The following ARFGAP1 variants were observed in gnomAD, a reference collection of about 807,000 sequenced individuals.
The protein encoded by ARFGAP1 is ADP-ribosylation factor GTPase-activating protein 1.
A neutral mutation model predicts 54.0 loss-of-function variants in ARFGAP1; 26 were observed. That is an observed-to-expected ratio of 0.48 (90% CI 0.35 to 0.67). ARFGAP1 has a LOEUF of 0.67. ARFGAP1 is among the 30% of genes least tolerant of loss of function. The pLI is 0.00. For synonymous variants in ARFGAP1, 248 were observed against 211.9 expected, an observed-to-expected ratio of 1.17 and a Z score of -1.48; for missense variants, 525 against 535.8, an observed-to-expected ratio of 0.98 and a Z score of 0.20.
At position 63,281,310 on chromosome 20, in the gene ARFGAP1, C is replaced by T. The variant is rs991248390; in HGVS notation, c.647C>T (p.Thr216Ile). Reference sequence around the variant, plus strand: ...CCTCAGGGCTGGAGCAGCTTCACCACTGGAGCCAGCCGGTTTGCCTCGGCA... The same window carrying T: ...CCTCAGGGCTGGAGCAGCTTCACCATTGGAGCCAGCCGGTTTGCCTCGGCA... ...SLYSGWSSFT[T>I]GASRFASAAK... The change falls in exon 8 of 13, where the codon ACT (threonine) becomes ATT (isoleucine). Residue 216 changes from threonine to isoleucine, a missense_variant. By Grantham distance (89) the Thr-to-Ile change is moderately conservative. Around this residue, in one of 3 missense-constraint regions of ARFGAP1, gnomAD observed 466 missense variants for 453.6 expected, o/e 1.03. Transcript: ENST00000370283. The T allele has an allele frequency of 6.2e-7, 1 of 1,602,186 alleles. No individual in the cohort carries two copies. The highest frequency in any genetic ancestry group is 8.5e-7 in the Non-Finnish European group (1 of 1,177,576).
At chr20:63,284,815 G>A (rs374191388) in intron 9 of ARFGAP1, 51 bp from the exon 10 acceptor site, 30 of 1,606,720 alleles carry the variant, frequency 1.9e-5, no homozygotes, top group South Asian at 1.2e-4. Context: ...CTGCCGACCC[G>A]TGTCCCGTGG....
At chr20:63,286,594 A>T in intron 12 of ARFGAP1, 152 bp downstream of exon 12, 3 of 763,550 alleles carry the variant, frequency 3.9e-6, no homozygotes, top group Non-Finnish European at 6.4e-6. Context: ...CTTGCTGGGG[A>T]GGGGGCACTG....
intron 10 of ARFGAP1, among the ~76,000 whole-genome samples, chr20:63,285,140 GCCCCCAGCCCAGCA>G (rs1254194521): frequency 1.3e-5 from 2 of 151,880 alleles, no homozygotes; most frequent in Non-Finnish European, 2.9e-5. Context: ...CCCTTGCAGT[GCCCCCAGCCCAGCA>G]CCCCCAGCCC....
chr20:63,282,923 T>C, intron 9 of ARFGAP1, 72 bp downstream of exon 9: 3 of 1,511,856 alleles, frequency 2.0e-6, no homozygotes, highest in East Asian at 4.5e-5. Context: ...GTGCAGCACC[T>C]GAAGCTGCCT....
intron 6 of ARFGAP1, 127 bp downstream of exon 6, chr20:63,278,330 A>G (rs2067286013): frequency 3.2e-6 from 3 of 937,196 alleles, no homozygotes; most frequent in Admixed American, 4.2e-5. Context: ...TGCGCGGTGC[A>G]GGGTCTGATT....
At chr20:63,282,662 C>T in intron 8 of ARFGAP1, among the ~76,000 whole-genome samples, 157 bp from the exon 9 acceptor site, 1 of 152,242 alleles carries the variant, frequency 6.6e-6, no homozygotes, top group Non-Finnish European at 1.5e-5. Flanking sequence ...TGCTGCAGCT[C>T]TTCTGGGCAT....
intron 10 of ARFGAP1, among the ~76,000 whole-genome samples, chr20:63,285,197 G>A (rs1232786350): frequency 2.6e-5 from 4 of 151,572 alleles, no homozygotes; most frequent in Non-Finnish European, 5.9e-5. Flanking sequence ...CCTACAGCTG[G>A]CCCCAGAGCC....
intron 1 of ARFGAP1, 79 bp from the exon 2 acceptor site, chr20:63,275,498 G>A: frequency 7.1e-7 from 1 of 1,405,136 alleles, no homozygotes; most frequent in Admixed American, 1.9e-5. Context: ...GTTGTGTGGT[G>A]TTTTTGGACA....
chr20:63,282,733 C>T, intron 8 of ARFGAP1, 86 bp from the exon 9 acceptor site: 3 of 1,457,724 alleles, frequency 2.1e-6, no homozygotes, highest in Non-Finnish European at 2.9e-6. Context: ...AGAGACAGTC[C>T]TGGACCTGAG....
chr20:63,284,087 C>T (rs1243236002), intron 9 of ARFGAP1: 1 of 1,383,154 alleles, frequency 7.2e-7, no homozygotes, highest in African/African-American at 1.5e-5. Flanking sequence ...CACCCCTGCG[C>T]AGTACCACTG....
rs114050499 is a variant in ARFGAP1 at position 63,284,046 on chromosome 20, A to G, written c.718-820A>G. The G allele has an allele frequency of 1.5e-3, 2,169 of 1,441,952 alleles. 27 individuals carry two copies. In the African/African-American group the frequency reaches 0.028, roughly 19 times the overall value. The allele number at this position is 1,441,952 out of a possible 1,614,324, so 89.3% of individuals were successfully genotyped here. A position where few individuals can be genotyped will look rare whatever the true frequency, so the allele number is the denominator to read the frequency against. On this transcript the variant is annotated intron_variant, in intron 9 of 12. Transcript: ENST00000370283. ...CCGTGGCTCTCCTTTAAGATCCAGG[A>G]TCTGCATCAGGCTTGGCTGTGTGTG...
intron 9 of ARFGAP1, chr20:63,284,608 G>T: frequency 7.5e-7 from 1 of 1,339,584 alleles, no homozygotes; most frequent in Non-Finnish European, 9.6e-7. Context: ...GCATGGTGGC[G>T]CGTGAGGGAG....
rs2067454167 is a variant in ARFGAP1, at chr20:63,283,933, C to T, written c.718-933C>T. ...CGCCCGCATCTCCGCCGAGAATGTG[C>T]TTGGCTTCCTCTGTCCCTCCTGCGT... On this transcript the variant is annotated intron_variant, in intron 9 of 12. Transcript: ENST00000370283. 2.5e-6 allele frequency: 4 copies of T among 1,609,110 alleles called. No individual in the cohort carries two copies. The East Asian group carries it at 6.7e-5, about 27-fold the overall frequency.
chr20:63,281,892 C>T (rs1422212853), intron 8 of ARFGAP1, among the ~76,000 whole-genome samples: 4 of 152,062 alleles, frequency 2.6e-5, no homozygotes, highest in South Asian at 4.2e-4. Flanking sequence ...GAAGGGGAAG[C>T]CCAGAGCAGG....
In ARFGAP1 at chr20:63,282,994, TC is replaced by T. The variant is rs551987404; in HGVS notation, c.717+145del. The stretch of plus-strand genomic sequence containing the variant: ...GGGGTCCCAGCGTAGAAGGGGGTGT[TC>T]CTGCCATGCTGTTCCCCTCCTCATG... On this transcript the variant is annotated intron_variant, in intron 9 of 12. Transcript: ENST00000370283. The T allele has an allele frequency of 1.2e-4, 106 of 901,630 alleles. 2 individuals are homozygous for T. In the South Asian group the frequency reaches 1.4e-3, roughly 12 times the overall value. The allele number at this position is 901,630 out of a possible 1,614,324, so 55.9% of individuals were successfully genotyped here.
rs528694997 is a variant in ARFGAP1, at chr20:63,285,800, GCAGC to G, written c.834+89_834+92del. The G allele has an allele frequency of 2.4e-3, 3,670 of 1,554,982 alleles. 8 individuals are homozygous for G. The highest frequency in any genetic ancestry group is 3.1e-3 in the Non-Finnish European group (3,470 of 1,129,450). On this transcript the variant is annotated intron_variant, in intron 11 of 12. Transcript: ENST00000370283. Reference sequence around the variant, plus strand: ...GGCGTGAGAGCAGGGTGTGCCCCGTGCAGCCCTCAGCCCAGCTTGGCAGTGGCCG... The same window carrying G: ...GGCGTGAGAGCAGGGTGTGCCCCGTGCCTCAGCCCAGCTTGGCAGTGGCCG...
chr20:63,285,009 C>A, intron 10 of ARFGAP1, 87 bp downstream of exon 10: 1 of 1,504,280 alleles, frequency 6.6e-7, no homozygotes, highest in Non-Finnish European at 9.1e-7. Flanking sequence ...GATTGTTTGT[C>A]CAGCAGCTGG....
Position 63,276,562 on chromosome 20 carries a change from G to A in ARFGAP1, c.253G>A (p.Glu85Lys). 1 of 1,614,070 alleles carries A rather than the reference G, an allele frequency of 6.2e-7. No homozygotes were observed. Among genetic ancestry groups the A allele is most frequent in the Non-Finnish European group, 8.5e-7 (1 of 1,180,002 alleles). ...MKAGGNAKFREFLESQEDYDP... is the reference protein window; with the variant it reads ...MKAGGNAKFRKFLESQEDYDP... Reference sequence around the variant, plus strand: ...AGCTGGTGGGAATGCTAAGTTCCGAGAGTTCCTGGAGTCTCAGGAGGATTA... The same window carrying A: ...AGCTGGTGGGAATGCTAAGTTCCGAAAGTTCCTGGAGTCTCAGGAGGATTA... Residue 85 changes from glutamate to lysine, a missense_variant, in exon 4 of 13, where the codon GAG becomes AAG. This residue lies in a region of ARFGAP1 where 466 missense variants were observed against 453.6 expected (regional missense o/e 1.03). Transcript: ENST00000370283. The surrounding 1 kb of genome is among the most constrained non-coding windows in gnomAD (Gnocchi z 5.2).
intron 1 of ARFGAP1, chr20:63,273,172 C>T (rs2067147154): frequency 6.6e-6 from 1 of 152,108 alleles, no homozygotes; most frequent in Non-Finnish European, 1.5e-5. Flanking sequence ...CCCCCCGCCC[C>T]TCGTGCCCCC....
Sources: allele counts gnomAD v4.1 joint callset (sites outside exome capture counted in the v4.1 genomes callset), GRCh38; gene constraint gnomAD v4.1.1; regional missense constraint gnomAD v4.1.1; non-coding constraint Gnocchi (gnomAD v3.1); transcripts MANE v1.5; gene names NCBI Gene and HGNC (gene_info 2026-07-23, HGNC 2026-07-21).